The following PHLPP1 variants were observed in gnomAD, a reference collection of about 807,000 sequenced individuals.
The protein encoded by PHLPP1 is PH domain and leucine rich repeat protein phosphatase 1, also known as PH domain leucine-rich repeat-containing protein phosphatase 1.
PHLPP1 carries 42 observed loss-of-function variants against 117.2 expected under a neutral mutation model. The observed-to-expected ratio is 0.36, with a 90% CI of 0.28 to 0.46. PHLPP1 has a LOEUF of 0.46. Among genes scored for constraint, PHLPP1 ranks in the 20% least tolerant of loss-of-function variants. The pLI is 1.00. For synonymous variants in PHLPP1, 1,042 were observed against 970.7 expected (o/e 1.07, Z -1.37); for missense variants, 2,084 against 2,241.9 (o/e 0.93, Z 1.42).
chr18:62,830,184 G>T lies in PHLPP1; in HGVS notation c.1726G>T (p.Asp576Tyr). ...GTCLIVSSVK[D>Y]SLTGKMHVLP... The stretch of plus-strand genomic sequence containing the variant: ...CTGCCTGATAGTATCATCTGTGAAA[G>T]ACAGCTTGACCGGAAAGATGCATGT... The change falls in exon 2 of 17, where the codon GAC (aspartate) becomes TAC (tyrosine). Residue 576 changes from aspartate (D) to tyrosine (Y), a missense_variant. Around this residue, in one of 2 missense-constraint regions of PHLPP1, gnomAD observed 1,365 missense variants for 1,605.9 expected, o/e 0.85. Transcript: ENST00000262719. 6.3e-7 allele frequency: 1 copy of T among 1,581,984 alleles called. No homozygotes were observed. The highest frequency in any genetic ancestry group is 8.6e-7 in the Non-Finnish European group (1 of 1,163,382).
chr18:62,912,868 G>T (rs1251891923), intron 8 of PHLPP1, among the ~76,000 whole-genome samples: 1 of 152,182 alleles, frequency 6.6e-6, no homozygotes, highest in African/African-American at 2.4e-5. Flanking sequence ...TGATCCACCC[G>T]CCTTGGCCTC....
At position 62,979,610 on chromosome 18, in the gene PHLPP1, CA is replaced by C; in HGVS notation, c.*180del. On this transcript the variant is annotated 3_prime_UTR_variant, in exon 17 of 17. Coordinates refer to ENST00000262719, the MANE Select transcript of PHLPP1 (RefSeq NM_194449.4). Reference sequence around the variant, plus strand: ...TTGGGTTATTTTTTTAAGTAATCACCACTTTCTTCTAGTGATGCTTTACCAA... The same window carrying C: ...TTGGGTTATTTTTTTAAGTAATCACCCTTTCTTCTAGTGATGCTTTACCAA... 1 of 642,878 alleles carries C rather than the reference CA, an allele frequency of 1.6e-6. No individual in the cohort carries two copies. The highest frequency in any genetic ancestry group is 2.8e-5 in the East Asian group (1 of 36,274). 39.8% of individuals were successfully genotyped at this position (642,878 alleles called of 1,614,324 possible). A position where few individuals can be genotyped will look rare whatever the true frequency, so the allele number is the denominator to read the frequency against.
At chr18:62,841,934 C>T (rs1363135475) in intron 3 of PHLPP1, among the ~76,000 whole-genome samples, 1 of 152,034 alleles carries the variant, frequency 6.6e-6, no homozygotes, top group Non-Finnish European at 1.5e-5. Flanking sequence ...GTTTGAGTTT[C>T]AAAGTAAGGC....
intron 4 of PHLPP1, among the ~76,000 whole-genome samples, chr18:62,867,822 T>A (rs532732658): frequency 2.6e-5 from 4 of 152,236 alleles, no homozygotes; most frequent in African/African-American, 9.6e-5. Flanking sequence ...TGTGGATTTT[T>A]TTTTTTTTAG....
intron 10 of PHLPP1, among the ~76,000 whole-genome samples, chr18:62,927,465 C>T (rs1366128652): frequency 5.3e-5 from 8 of 151,918 alleles, no homozygotes; most frequent in African/African-American, 1.7e-4. Context: ...GTCAAGTGAA[C>T]ATTTTATGAT....
At chr18:62,955,573 A>G (rs141774498) in intron 12 of PHLPP1, among the ~76,000 whole-genome samples, 398 of 152,286 alleles carry the variant, frequency 2.6e-3, no homozygotes, top group Non-Finnish European at 4.8e-3. Context: ...TGGGGAGCAA[A>G]CAGTCCTGGG....
At chr18:62,897,831 C>T (rs907080390) in intron 6 of PHLPP1, among the ~76,000 whole-genome samples, 3 of 152,156 alleles carry the variant, frequency 2.0e-5, no homozygotes, top group Non-Finnish European at 4.4e-5. Context: ...TACTTAAAAT[C>T]AAAGCTAGTG....
chr18:62,941,067 A>G (rs983288508), intron 10 of PHLPP1, among the ~76,000 whole-genome samples: 1 of 152,120 alleles, frequency 6.6e-6, no homozygotes, highest in African/African-American at 2.4e-5. Context: ...CTGTTGATAC[A>G]TGTTGTTTTA....
chr18:62,937,622 G>A (rs188795315), intron 10 of PHLPP1, among the ~76,000 whole-genome samples: 1 of 152,176 alleles, frequency 6.6e-6, no homozygotes, highest in African/African-American at 2.4e-5. Flanking sequence ...TTACTATTGA[G>A]CCATTGCCAA....
At chr18:62,897,493 G>T (rs1428623231) in intron 6 of PHLPP1, among the ~76,000 whole-genome samples, 1 of 152,036 alleles carries the variant, frequency 6.6e-6, no homozygotes. Flanking sequence ...TTTATTTGTT[G>T]TTTATTGTTT....
Position 62,926,787 on chromosome 18 carries a change from T to C in PHLPP1, c.2960+6673T>C, listed in dbSNP as rs75697074. Among the ~76,000 whole-genome samples, 801 of 152,288 alleles carry C rather than the reference T, an allele frequency of 5.3e-3. 48 individuals carry two copies. The South Asian group carries it at 0.12, about 23-fold the overall frequency. On this transcript the variant is annotated intron_variant, in intron 10 of 16. Coordinates refer to ENST00000262719, the MANE Select transcript of PHLPP1 (RefSeq NM_194449.4). Reference sequence around the variant, plus strand: ...GAGCTAGAGCATCTTCTGTGAGAAATGTTGTTCCTTTAGCAGCTCCAAAGT... The same window carrying C: ...GAGCTAGAGCATCTTCTGTGAGAAACGTTGTTCCTTTAGCAGCTCCAAAGT...
At chr18:62,915,796 A>G (rs1909251967) in intron 9 of PHLPP1, among the ~76,000 whole-genome samples, 2 of 152,174 alleles carry the variant, frequency 1.3e-5, no homozygotes, top group South Asian at 2.1e-4. Flanking sequence ...GTCTGTGGCT[A>G]TTGAGCACTT....
intron 4 of PHLPP1, among the ~76,000 whole-genome samples, chr18:62,892,091 T>C (rs1346642890): frequency 2.5e-4 from 8 of 32,622 alleles, no homozygotes; most frequent in Non-Finnish European, 6.2e-4. Flanking sequence ...TCTTTTTTTT[T>C]TTTTTTTTTT....
At chr18:62,783,228 T>TC (rs1491576323) in intron 1 of PHLPP1, among the ~76,000 whole-genome samples, 25 of 147,786 alleles carry the variant, frequency 1.7e-4, no homozygotes, top group African/African-American at 6.2e-4. Flanking sequence ...CTTTTTTTTT[T>TC]CTTTTTTTTT....
intron 14 of PHLPP1, among the ~76,000 whole-genome samples, chr18:62,970,226 G>A (rs1375659526): frequency 2.0e-5 from 3 of 152,114 alleles, no homozygotes; most frequent in African/African-American, 7.2e-5. Context: ...TTGCAAATAT[G>A]TACTTCTCCT....
At chr18:62,816,292 G>T (rs767075122) in intron 1 of PHLPP1, among the ~76,000 whole-genome samples, 1 of 152,184 alleles carries the variant, frequency 6.6e-6, no homozygotes, top group Non-Finnish European at 1.5e-5. Flanking sequence ...CTGGCTGGGT[G>T]CAGTGGCTCA....
At chr18:62,967,572 T>A (rs1195031442) in intron 14 of PHLPP1, among the ~76,000 whole-genome samples, 4 of 152,180 alleles carry the variant, frequency 2.6e-5, no homozygotes, top group Non-Finnish European at 5.9e-5. Context: ...CTCTCGGTAT[T>A]TTTGTAGACA....
At chr18:62,871,633 T>G (rs1325804847) in intron 4 of PHLPP1, among the ~76,000 whole-genome samples, 1 of 147,502 alleles carries the variant, frequency 6.8e-6, no homozygotes, top group Non-Finnish European at 1.5e-5. Context: ...TGGCCAAATT[T>G]AGCTCTGAAA....
chr18:62,920,145 G>A lies in PHLPP1; in HGVS notation c.2960+31G>A, dbSNP rs1210394469. 1.9e-6 allele frequency: 3 copies of A among 1,593,670 alleles called. No homozygotes were observed. The Admixed American group carries it at 5.1e-5, about 27-fold the overall frequency. On this transcript the variant is annotated intron_variant, in intron 10 of 16. Coordinates refer to ENST00000262719, the MANE Select transcript of PHLPP1 (RefSeq NM_194449.4). ...GCCATTTGTCTTGTTTATCATCTGA[G>A]TCTATAAATATTCCCTCATTTGTAT...
Sources: allele counts gnomAD v4.1 joint callset (sites outside exome capture counted in the v4.1 genomes callset), GRCh38; gene constraint gnomAD v4.1.1; regional missense constraint gnomAD v4.1.1; transcripts MANE v1.5; gene names NCBI Gene and HGNC (gene_info 2026-07-23, HGNC 2026-07-21).